The following RASSF3 variants were observed in gnomAD, a reference collection of about 807,000 sequenced individuals.
The protein encoded by RASSF3 is Ras association domain family member 3.
In RASSF3, 19 loss-of-function variants were observed where a neutral mutation model predicts 19.9. The ratio of observed to expected loss-of-function variants is 0.96; its 90% CI spans 0.67 to 1.40. The LOEUF (loss-of-function observed/expected upper bound fraction) is 1.40, where lower values mean the gene tolerates loss of function less well. RASSF3 is among the 40% of genes most tolerant of loss of function. RASSF3 has a pLI of 0.00. For synonymous variants in RASSF3, 110 were observed against 104.2 expected (o/e 1.06, Z -0.34); for missense variants, 306 against 289.8 (o/e 1.06, Z -0.41).
intron 2 of RASSF3, among the ~76,000 whole-genome samples, chr12:64,586,883 A>T (rs1319546526): frequency 1.2e-4 from 18 of 151,794 alleles, no homozygotes; most frequent in Admixed American, 1.2e-3. Context: ...AGATCATGGC[A>T]CTGCACTCCA....
intron 1 of RASSF3, among the ~76,000 whole-genome samples, chr12:64,618,662 G>T (rs1489578951): frequency 6.6e-6 from 1 of 151,652 alleles, no homozygotes; most frequent in Admixed American, 6.6e-5. Flanking sequence ...AAATGGAGAG[G>T]GCCAGATAAT....
At chr12:64,581,950 C>T (rs1869709228) in intron 2 of RASSF3, among the ~76,000 whole-genome samples, 1 of 152,032 alleles carries the variant, frequency 6.6e-6, no homozygotes, top group African/African-American at 2.4e-5. Context: ...TCCCTTCAGC[C>T]TTGACCTTCC....
At chr12:64,545,595 A>G (rs1169241443), downstream of RASSF3, among the ~76,000 whole-genome samples, 1 of 152,152 alleles carries the variant, frequency 6.6e-6, no homozygotes, top group Non-Finnish European at 1.5e-5. Flanking sequence ...GTTGAGCATA[A>G]AATTATTCTA....
At position 64,598,960 on chromosome 12, in the gene RASSF3, A is replaced by G. The variant is rs1223888311; in HGVS notation, c.294+57255A>G. 4 of 142,016 alleles carry G rather than the reference A, an allele frequency of 2.8e-5. No homozygotes were observed. The East Asian group carries it at 6.5e-4, about 23-fold the overall frequency. 8.8% of individuals were successfully genotyped at this position (142,016 alleles called of 1,614,324 possible). A position where few individuals can be genotyped will look rare whatever the true frequency, so the allele number is the denominator to read the frequency against. On this transcript the variant is annotated intron_variant, in intron 2 of 5. Coordinates refer to the RASSF3 transcript ENST00000637125. Reference sequence around the variant, plus strand: ...GGAGACACAGATTTCAAAGTCAGATATGGTCACCAGATCTCTGCCTTGTGT... The same window carrying G: ...GGAGACACAGATTTCAAAGTCAGATGTGGTCACCAGATCTCTGCCTTGTGT...
intron 1 of RASSF3, among the ~76,000 whole-genome samples, chr12:64,668,894 C>T (rs1872610026): frequency 2.0e-5 from 3 of 151,776 alleles, no homozygotes; most frequent in African/African-American, 7.3e-5. Context: ...TGGTCTCGAT[C>T]TCCTGACCTC....
chr12:64,508,144 G>C (rs1245372941), intron 1 of RASSF3, among the ~76,000 whole-genome samples: 4 of 151,146 alleles, frequency 2.6e-5, no homozygotes, highest in Non-Finnish European at 5.9e-5. Flanking sequence ...AATTACTTAA[G>C]ATGTATTATG....
At chr12:64,636,687 G>A (rs1871339437) in intron 1 of RASSF3, among the ~76,000 whole-genome samples, 1 of 151,734 alleles carries the variant, frequency 6.6e-6, no homozygotes, top group South Asian at 2.1e-4. Flanking sequence ...CCAACATGGC[G>A]AAACCCCTGT....
At chr12:64,512,359 T>C (rs888957704) in intron 1 of RASSF3, among the ~76,000 whole-genome samples, 4 of 152,136 alleles carry the variant, frequency 2.6e-5, no homozygotes, top group African/African-American at 9.7e-5. Flanking sequence ...GGCGCATGCC[T>C]TTAGTCCTAA....
upstream of RASSF3, among the ~76,000 whole-genome samples, chr12:64,532,739 G>A (rs773724442): frequency 1.3e-5 from 2 of 151,930 alleles, no homozygotes; most frequent in Middle Eastern, 3.2e-3. Flanking sequence ...GGGAGGCTGA[G>A]GTAGGAGGAG....
rs1412710803 is a variant in RASSF3, at chr12:64,610,525, C to G, written c.-108C>G. The G allele has an allele frequency of 5.1e-6, 2 of 394,170 alleles. No individual in the cohort carries two copies. The allele number at this position is 394,170 out of a possible 1,614,324, so 24.4% of individuals were successfully genotyped here. ...AGCGGCGGCCGCAGCTGCATAAGGA[C>G]TGCCCGGGGCTGCGCGCCGGGAACC... On this transcript the variant is annotated 5_prime_UTR_variant, in exon 1 of 5. Transcript: ENST00000542104.
chr12:64,524,748 A>G (rs1243766331), intron 1 of RASSF3, among the ~76,000 whole-genome samples: 1 of 152,234 alleles, frequency 6.6e-6, no homozygotes, highest in African/African-American at 2.4e-5. Context: ...CAGCAACTGC[A>G]TTATTAGCAT....
intron 1 of RASSF3, among the ~76,000 whole-genome samples, chr12:64,624,753 G>T (rs1350290488): frequency 6.6e-6 from 1 of 152,086 alleles, no homozygotes; most frequent in East Asian, 1.9e-4. Context: ...TCTGCCTCCT[G>T]GGTTATGCCA....
chr12:64,625,161 G>T (rs1870943049), intron 1 of RASSF3, among the ~76,000 whole-genome samples: 1 of 151,996 alleles, frequency 6.6e-6, no homozygotes, highest in Admixed American at 6.6e-5. Flanking sequence ...AAATGAATTG[G>T]GAATCTCAAT....
rs113098894 is a variant in RASSF3 at position 64,637,799 on chromosome 12, A to G, written c.111+27056A>G. On this transcript the variant is annotated intron_variant, in intron 1 of 4. Coordinates refer to ENST00000542104, the MANE Select transcript of RASSF3 (RefSeq NM_178169.4). ...TGACTGGGCTGGTTCTAAAATTAGGATGTTGCTTTGTGCCCTTTTTCTATA... is the reference window on the plus strand; with the variant it reads ...TGACTGGGCTGGTTCTAAAATTAGGGTGTTGCTTTGTGCCCTTTTTCTATA... Among the ~76,000 whole-genome samples the G allele has an allele frequency of 3.5e-3, 518 of 149,542 alleles. 2 individuals are homozygous for G. The highest frequency in any genetic ancestry group is 0.012 in the African/African-American group (500 of 40,628).
Position 64,658,890 on chromosome 12 carries a change from C to T in RASSF3, c.112-25897C>T, listed in dbSNP as rs558868985. The stretch of plus-strand genomic sequence containing the variant: ...TTTAAGACCAGCTTGGGCAACATAG[C>T]GAGACCCCTGTCTCTACAGAAAATA... On this transcript the variant is annotated intron_variant, in intron 1 of 4. Transcript: ENST00000542104. 6.6e-5 allele frequency among the ~76,000 whole-genome samples: 10 copies of T among 152,254 alleles called. No individual in the cohort carries two copies. In the South Asian group the frequency reaches 2.1e-3, roughly 32 times the overall value.
chr12:64,511,926 A>G (rs1243135337), intron 1 of RASSF3, among the ~76,000 whole-genome samples: 1 of 152,002 alleles, frequency 6.6e-6, no homozygotes, highest in Non-Finnish European at 1.5e-5. Context: ...TTCCTGCCCC[A>G]TGTTTTATCA....
At chr12:64,597,614 C>T (rs1475672711) in intron 2 of RASSF3, among the ~76,000 whole-genome samples, 6 of 151,608 alleles carry the variant, frequency 4.0e-5, no homozygotes, top group East Asian at 3.9e-4. Context: ...TGCACCACCA[C>T]GCCTGGCTAA....
At chr12:64,544,040 G>T (rs908215543), downstream of RASSF3, among the ~76,000 whole-genome samples, 1 of 152,118 alleles carries the variant, frequency 6.6e-6, no homozygotes, top group Non-Finnish European at 1.5e-5. Context: ...CCAGATAAGA[G>T]AATAAAGCAG....
At chr12:64,546,060 C>A (rs979347728), downstream of RASSF3, among the ~76,000 whole-genome samples, 2 of 131,516 alleles carry the variant, frequency 1.5e-5, no homozygotes, top group Non-Finnish European at 3.1e-5. Flanking sequence ...TACGCCAATG[C>A]GCTCCAGCCT....
Sources: gnomAD v4.1 joint callset for allele counts (sites outside exome capture counted in the v4.1 genomes callset) on GRCh38, gnomAD v4.1.1 for gene constraint, MANE v1.5 for transcripts, NCBI Gene and HGNC (gene_info 2026-07-23, HGNC 2026-07-21) for gene names.